CDK14: variants seen among roughly 807,000 people sequenced by gnomAD.
CDK14 encodes the protein cyclin dependent kinase 14.
A neutral mutation model predicts 60.7 loss-of-function variants in CDK14; 34 were observed. The ratio of observed to expected loss-of-function variants is 0.56; its 90% CI spans 0.43 to 0.75. The LOEUF (loss-of-function observed/expected upper bound fraction) is 0.75, where lower values mean the gene tolerates loss of function less well. CDK14 is among the 30% of genes least tolerant of loss of function. The pLI is 0.00. For missense variants in CDK14, 482 were observed against 564.1 expected, an observed-to-expected ratio of 0.85 and a Z score of 1.47; for synonymous variants, 197 against 203.7, an observed-to-expected ratio of 0.97 and a Z score of 0.28.
intron 3 of CDK14, among the ~76,000 whole-genome samples, chr7:90,742,948 T>G (rs1286373658): frequency 6.6e-6 from 1 of 152,034 alleles, no homozygotes; most frequent in Non-Finnish European, 1.5e-5. Context: ...ATGAGATATC[T>G]TAGGAAGGGG....
At chr7:91,083,318 C>T (rs559342817) in intron 12 of CDK14, among the ~76,000 whole-genome samples, 10 of 152,158 alleles carry the variant, frequency 6.6e-5, no homozygotes, top group Admixed American at 2.0e-4. Flanking sequence ...AGTCTTATAA[C>T]TCAAAGGGTG....
intron 2 of CDK14, among the ~76,000 whole-genome samples, chr7:90,658,466 G>GGCCC (rs1800797156): frequency 6.6e-6 from 1 of 152,112 alleles, no homozygotes; most frequent in African/African-American, 2.4e-5. Flanking sequence ...ACCTCCCCAG[G>GGCCC]GCCCGCCTCG....
At chr7:90,669,576 AAC>A (rs10578396) in intron 2 of CDK14, among the ~76,000 whole-genome samples, 89,630 of 152,040 alleles carry the variant, frequency 0.59, 26,681 homozygotes, top group East Asian at 0.77. Flanking sequence ...TTATAGAACC[AAC>A]ATGAAGAAAC....
At chr7:90,812,764 A>G (rs1422912303) in intron 5 of CDK14, among the ~76,000 whole-genome samples, 1 of 152,246 alleles carries the variant, frequency 6.6e-6, no homozygotes, top group Non-Finnish European at 1.5e-5. Context: ...GGGACCAACA[A>G]TACCAAGTGT....
intron 11 of CDK14, among the ~76,000 whole-genome samples, chr7:91,053,391 C>G (rs966420412): frequency 1.3e-5 from 2 of 152,114 alleles, no homozygotes; most frequent in African/African-American, 4.8e-5. Context: ...AGTGATGCCT[C>G]CTCCTCTCTT....
intron 6 of CDK14, among the ~76,000 whole-genome samples, chr7:90,895,174 T>C (rs1792255703): frequency 6.6e-6 from 1 of 152,182 alleles, no homozygotes; most frequent in Non-Finnish European, 1.5e-5. Context: ...GCCCTTCCTA[T>C]GTCTTACAAA....
chr7:91,065,658 T>C (rs1305579900), intron 11 of CDK14, among the ~76,000 whole-genome samples: 4 of 152,314 alleles, frequency 2.6e-5, no homozygotes, highest in African/African-American at 9.6e-5. Context: ...GCATAAAAAT[T>C]CTTGTGAATA....
At chr7:90,686,815 CT>C (rs981367118) in intron 2 of CDK14, among the ~76,000 whole-genome samples, 59 of 152,038 alleles carry the variant, frequency 3.9e-4, no homozygotes, top group Middle Eastern at 3.4e-3. Context: ...ATCAATGGAA[CT>C]TTTTTTTGTC....
intron 14 of CDK14, among the ~76,000 whole-genome samples, chr7:91,139,685 A>G (rs1200667312): frequency 6.6e-6 from 1 of 152,248 alleles, no homozygotes; most frequent in Non-Finnish European, 1.5e-5. Context: ...AGCTAAGTAC[A>G]GTAGCCTCCA....
chr7:90,910,810 G>C (rs945639052), intron 7 of CDK14, among the ~76,000 whole-genome samples: 3 of 152,098 alleles, frequency 2.0e-5, no homozygotes, highest in Non-Finnish European at 2.9e-5. Flanking sequence ...TACATGTGCA[G>C]GATGTGCAGG....
At chr7:91,094,623 G>C (rs1798927511) in intron 12 of CDK14, among the ~76,000 whole-genome samples, 1 of 152,096 alleles carries the variant, frequency 6.6e-6, no homozygotes, top group Non-Finnish European at 1.5e-5. Flanking sequence ...GTAGTCTCAA[G>C]AGCAGATCTA....
intron 5 of CDK14, among the ~76,000 whole-genome samples, chr7:90,823,792 C>T (rs1297791783): frequency 6.6e-6 from 1 of 152,288 alleles, no homozygotes; most frequent in East Asian, 1.9e-4. Flanking sequence ...CAGATTCAGG[C>T]TGTGATGGTT....
At chr7:91,191,368 A>G (rs1802356063) in intron 14 of CDK14, among the ~76,000 whole-genome samples, 1 of 152,048 alleles carries the variant, frequency 6.6e-6, no homozygotes, top group Non-Finnish European at 1.5e-5. Flanking sequence ...CTCTTTTATT[A>G]TTTACAAGGA....
At chr7:90,950,567 A>G (rs1334289567) in intron 8 of CDK14, among the ~76,000 whole-genome samples, 1 of 152,200 alleles carries the variant, frequency 6.6e-6, no homozygotes, top group Non-Finnish European at 1.5e-5. Context: ...CAGAGAGACT[A>G]CACCAAAACA....
intron 5 of CDK14, among the ~76,000 whole-genome samples, chr7:90,796,074 C>T (rs1788415245): frequency 6.6e-6 from 1 of 152,120 alleles, no homozygotes; most frequent in Non-Finnish European, 1.5e-5. Context: ...CACACTGAGA[C>T]CTGGCTTTGA....
chr7:91,203,173 A>G (rs1403126240), intron 14 of CDK14, among the ~76,000 whole-genome samples: 1 of 151,882 alleles, frequency 6.6e-6, no homozygotes, highest in Non-Finnish European at 1.5e-5. Flanking sequence ...AATCCTACCA[A>G]CCATCCTCAG....
At chr7:90,807,804 A>T (rs1583990781) in intron 5 of CDK14, among the ~76,000 whole-genome samples, 1 of 152,248 alleles carries the variant, frequency 6.6e-6, no homozygotes, top group Non-Finnish European at 1.5e-5. Flanking sequence ...AGGCACAAGA[A>T]CTACATGACG....
intron 7 of CDK14, among the ~76,000 whole-genome samples, chr7:90,901,096 A>C (rs994984658): frequency 6.6e-6 from 1 of 152,128 alleles, no homozygotes; most frequent in East Asian, 1.9e-4. Flanking sequence ...GTACCTCTAG[A>C]AACTGTCTCA....
chr7:91,143,949 G>A (rs1333905305), intron 14 of CDK14, among the ~76,000 whole-genome samples: 1 of 152,058 alleles, frequency 6.6e-6, no homozygotes, highest in Non-Finnish European at 1.5e-5. Context: ...CTAGAAAGAG[G>A]TCATGTTGTT....
Sources: gnomAD v4.1 joint callset for allele counts (sites outside exome capture counted in the v4.1 genomes callset) on GRCh38, gnomAD v4.1.1 for gene constraint, MANE v1.5 for transcripts, NCBI Gene and HGNC (gene_info 2026-07-23, HGNC 2026-07-21) for gene names.